ELP1: variants seen among roughly 807,000 people sequenced by gnomAD.
ELP1 encodes elongator acetyltransferase complex subunit 1, also known as elongator complex protein 1.
A neutral mutation model predicts 183.2 loss-of-function variants in ELP1; 131 were observed. The ratio of observed to expected loss-of-function variants is 0.72; its 90% CI spans 0.62 to 0.83. The LOEUF is 0.83. Among genes scored for constraint, ELP1 ranks in the 40% least tolerant of loss-of-function variants. The pLI, the probability that ELP1 is intolerant of heterozygous loss-of-function variation, is 0.00. For missense variants in ELP1, 1,550 were observed against 1,594.9 expected, an observed-to-expected ratio of 0.97 and a Z score of 0.48; for synonymous variants, 555 against 569.0, an observed-to-expected ratio of 0.98 and a Z score of 0.35.
intron 34 of ELP1, among the ~76,000 whole-genome samples, chr9:108,878,392 C>T (rs1344715641): frequency 6.6e-6 from 1 of 152,206 alleles, no homozygotes; most frequent in African/African-American, 2.4e-5. Context: ...CTGGCCTAAG[C>T]ATCTCTCCCA....
In ELP1 at chr9:108,898,760, A is replaced by G; in HGVS notation, c.2205-11T>C. On this transcript the variant is annotated splice_polypyrimidine_tract_variant and intron_variant, in intron 20 of 36. Coordinates refer to ENST00000374647, the MANE Select transcript of ELP1 (RefSeq NM_003640.5). Reference sequence around the variant, plus strand: ...TCTTTAAACATAAGTCTGTGAGAAGACAGAGAAAGAATAGAAAAGATATTC... The same window carrying G: ...TCTTTAAACATAAGTCTGTGAGAAGGCAGAGAAAGAATAGAAAAGATATTC... The G allele has an allele frequency of 6.3e-7, 1 of 1,588,044 alleles. No homozygotes were observed. Among genetic ancestry groups the G allele is most frequent in the Non-Finnish European group, 8.6e-7 (1 of 1,158,086 alleles).
rs781087704 is a variant in ELP1 at position 108,912,325 on chromosome 9, C to T, written c.1128G>A (p.Thr376=). 41 of 1,614,036 alleles carry T rather than the reference C, an allele frequency of 2.5e-5. No individual in the cohort carries two copies. Among genetic ancestry groups the T allele is most frequent in the Non-Finnish European group, 2.7e-5 (32 of 1,180,046 alleles). The change falls in exon 11 of 37, where the codon ACG becomes ACA. Residue 376 remains threonine (T), a synonymous_variant. Transcript: ENST00000374647. ...WHYLAYDWHW[T]TDRSVGDNSS... is the part of the protein sequence containing the mutation. ...AATTATCTCCCACGCTCCGGTCAGT[C>T]GTCCAGTGCCAATCATAGGCGAGGT...
At position 108,898,758 on chromosome 9, in the gene ELP1, A is replaced by C. The variant is rs762448047; in HGVS notation, c.2205-9T>G. On this transcript the variant is annotated splice_polypyrimidine_tract_variant and intron_variant, in intron 20 of 36. Coordinates refer to ENST00000374647, the MANE Select transcript of ELP1 (RefSeq NM_003640.5). ...CCTCTTTAAACATAAGTCTGTGAGAAGACAGAGAAAGAATAGAAAAGATAT... is the reference window on the plus strand; with the variant it reads ...CCTCTTTAAACATAAGTCTGTGAGACGACAGAGAAAGAATAGAAAAGATAT... 30 of 1,587,320 alleles carry C rather than the reference A, an allele frequency of 1.9e-5. 1 individual carries two copies. In the South Asian group the frequency reaches 3.3e-4, roughly 18 times the overall value.
At position 108,927,471 on chromosome 9, in the gene ELP1, G is replaced by T; in HGVS notation, c.304-18C>A. On this transcript the variant is annotated intron_variant, in intron 3 of 36. Coordinates refer to ENST00000374647, the MANE Select transcript of ELP1 (RefSeq NM_003640.5). ...CACTCCAGCTGAGACAGAGAAAATT[G>T]AAAAGAGAGATTCAAACACTAGCAT... 7 of 1,593,926 alleles carry T rather than the reference G, an allele frequency of 4.4e-6. No homozygotes were observed. The highest frequency in any genetic ancestry group is 5.2e-6 in the Non-Finnish European group (6 of 1,161,730).
chr9:108,900,850 C>T (rs1828765470), intron 18 of ELP1, among the ~76,000 whole-genome samples: 1 of 36,994 alleles, frequency 2.7e-5, no homozygotes. Flanking sequence ...GCCACACACA[C>T]ATACACGCCA....
chr9:108,878,843 G>A (rs1827803468), intron 33 of ELP1, 93 bp from the exon 34 acceptor site: 3 of 1,334,842 alleles, frequency 2.2e-6, no homozygotes, highest in African/African-American at 2.9e-5. Context: ...TGCAGTTGCT[G>A]ATGACCCCAC....
intron 13 of ELP1, among the ~76,000 whole-genome samples, chr9:108,907,738 T>A (rs1829071496): frequency 6.6e-6 from 1 of 152,214 alleles, no homozygotes. Flanking sequence ...TGGTACTTTT[T>A]AAAAAAGTTC....
At chr9:108,931,228 G>T in intron 1 of ELP1, 27 bp from the exon 2 acceptor site, 2 of 1,264,500 alleles carry the variant, frequency 1.6e-6, no homozygotes, top group Non-Finnish European at 2.3e-6. Context: ...TAGCTTAATA[G>T]TGATAAATGA....
chr9:108,905,084 T>C (rs931116234), intron 14 of ELP1, among the ~76,000 whole-genome samples: 26 of 152,240 alleles, frequency 1.7e-4, no homozygotes. Flanking sequence ...GTGCTACATA[T>C]TTCTAGAACA....
At position 108,917,782 on chromosome 9, in the gene ELP1, A is replaced by G. The variant is rs112438432; in HGVS notation, c.741-112T>C. The G allele has an allele frequency of 2.6e-5, 30 of 1,148,326 alleles. No individual in the cohort carries two copies. In the African/African-American group the frequency reaches 4.0e-4, roughly 15 times the overall value. 71.1% of individuals were successfully genotyped at this position (1,148,326 alleles called of 1,614,324 possible). A position where few individuals can be genotyped will look rare whatever the true frequency, so the allele number is the denominator to read the frequency against. On this transcript the variant is annotated intron_variant, in intron 8 of 36. Transcript: ENST00000374647. ...ACATGAATGAATGAATGAACGAATTAATGAATATCTTTATCCAAGGAAGTT... is the reference window on the plus strand; with the variant it reads ...ACATGAATGAATGAATGAACGAATTGATGAATATCTTTATCCAAGGAAGTT...
chr9:108,925,280 T>C (rs769361503), intron 5 of ELP1, among the ~76,000 whole-genome samples: 7 of 152,222 alleles, frequency 4.6e-5, no homozygotes, highest in Admixed American at 3.3e-4. Flanking sequence ...CCATATTCCC[T>C]ACTACAAACT....
chr9:108,878,557 GCCTGT>G, intron 34 of ELP1, 61 bp downstream of exon 34: 1 of 1,601,232 alleles, frequency 6.2e-7, no homozygotes, highest in Non-Finnish European at 8.6e-7. Flanking sequence ...ACTGAACTCT[GCCTGT>G]CTGTACTGCC....
At chr9:108,884,282 G>C (rs1379055340) in intron 29 of ELP1, among the ~76,000 whole-genome samples, 1 of 152,124 alleles carries the variant, frequency 6.6e-6, no homozygotes, top group Non-Finnish European at 1.5e-5. Flanking sequence ...AACACTGGTA[G>C]AATCAAAGGA....
At chr9:108,911,256 T>C (rs2132014293) in intron 11 of ELP1, 76 bp from the exon 12 acceptor site, 1 of 1,354,648 alleles carries the variant, frequency 7.4e-7, no homozygotes, top group Non-Finnish European at 1.0e-6. Context: ...AACATCACAG[T>C]ATATCTAAAC....
At position 108,874,923 on chromosome 9, in the gene ELP1, CTGA is replaced by C. The variant is rs777103049; in HGVS notation, c.3900_3902del (p.Tyr1300_Gln1301delinsTer). The C allele has an allele frequency of 6.2e-7, 1 of 1,612,496 alleles. No homozygotes were observed. ...GAACAGGAACCGAAGTCTTCTGTTGCTGATAAGATGCCATGATACTATTTGCAG... is the reference window on the plus strand; with the variant it reads ...GAACAGGAACCGAAGTCTTCTGTTGCTAAGATGCCATGATACTATTTGCAG... On this transcript the variant is annotated stop_gained and inframe_deletion, in exon 36 of 37. Coordinates refer to ENST00000374647, the MANE Select transcript of ELP1 (RefSeq NM_003640.5). LOFTEE classifies it high-confidence loss of function.
At chr9:108,917,466 TCA>T (rs1829481225) in intron 9 of ELP1, 79 bp downstream of exon 9, 1 of 1,109,088 alleles carries the variant, frequency 9.0e-7, no homozygotes, top group Admixed American at 2.1e-5. Flanking sequence ...AAACTCCATC[TCA>T]AAAAAAAAAA....
chr9:108,873,946 C>G (rs1284016364), intron 36 of ELP1, among the ~76,000 whole-genome samples: 1 of 152,000 alleles, frequency 6.6e-6, no homozygotes, highest in Non-Finnish European at 1.5e-5. Flanking sequence ...ATTCTCTAGA[C>G]AGAAGAGGAG....
chr9:108,900,027 CTTG>C (rs1168807243), intron 19 of ELP1, 132 bp from the exon 20 acceptor site: 8 of 863,876 alleles, frequency 9.3e-6, no homozygotes, highest in East Asian at 2.6e-5. Context: ...TTAGCAGAAT[CTTG>C]TTGTTCTCTA....
intron 36 of ELP1, among the ~76,000 whole-genome samples, chr9:108,874,418 A>C (rs1827615921): frequency 6.6e-6 from 1 of 152,244 alleles, no homozygotes; most frequent in African/African-American, 2.4e-5. Flanking sequence ...AATATGTATA[A>C]AATGCTAATA....
Sources: allele counts gnomAD v4.1 joint callset (sites outside exome capture counted in the v4.1 genomes callset), GRCh38; gene constraint gnomAD v4.1.1; transcripts MANE v1.5; gene names NCBI Gene and HGNC (gene_info 2026-07-23, HGNC 2026-07-21).